The following CRYZL1 variants were observed in gnomAD, a reference collection of about 807,000 sequenced individuals.
CRYZL1 encodes crystallin zeta like 1, also known as ferry endosomal RAB5 effector complex subunit 4.
CRYZL1 carries 34 observed loss-of-function variants against 50.6 expected under a neutral mutation model. That is an observed-to-expected ratio of 0.67 (90% CI 0.51 to 0.89). CRYZL1 has a LOEUF of 0.89. CRYZL1 is among the 40% of genes least tolerant of loss of function. The pLI, the probability that CRYZL1 is intolerant of heterozygous loss-of-function variation, is 0.00. For synonymous variants in CRYZL1, 125 were observed against 134.3 expected, an observed-to-expected ratio of 0.93 and a Z score of 0.48; for missense variants, 354 against 402.3, an observed-to-expected ratio of 0.88 and a Z score of 1.03.
At chr21:33,593,674 C>T (rs538111008) in intron 11 of CRYZL1, among the ~76,000 whole-genome samples, 1 of 152,188 alleles carries the variant, frequency 6.6e-6, no homozygotes, top group African/African-American at 2.4e-5. Context: ...TAGTTTCCAA[C>T]ATGTAAGATT....
chr21:33,597,420 T>TA lies in CRYZL1; in HGVS notation c.677-20dup, dbSNP rs771253959. 4.6e-6 allele frequency: 7 copies of TA among 1,515,948 alleles called. No homozygotes were observed. The highest frequency in any genetic ancestry group is 2.3e-5 in the South Asian group (2 of 85,810). 93.9% of individuals were successfully genotyped at this position (1,515,948 alleles called of 1,614,324 possible). On this transcript the variant is annotated intron_variant, in intron 9 of 12. Coordinates refer to ENST00000381554, the MANE Select transcript of CRYZL1 (RefSeq NM_145858.3). ...AATCTCACTTGCAAGGGAATAGTTTTAAAAAAAGAGAGAGAGAAGAAATAT... is the reference window on the plus strand; with the variant it reads ...AATCTCACTTGCAAGGGAATAGTTTTAAAAAAAAGAGAGAGAGAAGAAATAT...
At position 33,589,929 on chromosome 21, in the gene CRYZL1, G is replaced by A. The variant is rs777332315; in HGVS notation, c.951-8C>T. 2.0e-6 allele frequency: 3 copies of A among 1,535,012 alleles called. No homozygotes were observed. The highest frequency in any genetic ancestry group is 2.7e-6 in the Non-Finnish European group (3 of 1,119,078). ...GGTTCATCCAACTGAGGTCTGAGAA[G>A]GAATGAAATTAGAAATGTCAGGTCT... is the stretch of plus-strand genomic sequence containing the variant. On this transcript the variant is annotated splice_polypyrimidine_tract_variant and splice_region_variant and intron_variant, in intron 12 of 12. Transcript: ENST00000381554.
Position 33,603,443 on chromosome 21 carries a change from G to A in CRYZL1, c.426C>T (p.Leu142=), listed in dbSNP as rs374956495. The A allele has an allele frequency of 1.9e-6, 3 of 1,614,140 alleles. No individual in the cohort carries two copies. Among genetic ancestry groups the A allele is most frequent in the Non-Finnish European group, 1.7e-6 (2 of 1,180,004 alleles). The stretch of plus-strand genomic sequence containing the variant: ...TTATCAGCACTGATTTTCCAGGAGA[G>A]AGATGAGAAAGATAATGCAGAGCTG... ...AYTALHYLSH[L]SPGKSVLIMD... The change falls in exon 7 of 13, where the codon CTC becomes CTT. Residue 142 remains leucine, a synonymous_variant. Coordinates refer to ENST00000381554, the MANE Select transcript of CRYZL1 (RefSeq NM_145858.3).
At chr21:33,595,220 A>G (rs1601325220) in intron 11 of CRYZL1, 1 of 1,066,252 alleles carries the variant, frequency 9.4e-7, no homozygotes, top group East Asian at 6.3e-5. Context: ...TTTGTTTCAA[A>G]AAGTCAAACC....
chr21:33,599,605 A>C (rs989354107), intron 8 of CRYZL1, among the ~76,000 whole-genome samples: 2 of 151,024 alleles, frequency 1.3e-5, no homozygotes, highest in Non-Finnish European at 1.5e-5. Context: ...GTACATATAT[A>C]ATACGACATG....
intron 1 of CRYZL1, among the ~76,000 whole-genome samples, chr21:33,631,906 G>A (rs549710405): frequency 2.2e-4 from 33 of 152,134 alleles, no homozygotes; most frequent in African/African-American, 7.0e-4. Flanking sequence ...TTTAATTACC[G>A]TTTATGAAAG....
intron 1 of CRYZL1, among the ~76,000 whole-genome samples, chr21:33,635,787 C>T (rs949294448): frequency 2.6e-5 from 4 of 151,954 alleles, no homozygotes; most frequent in African/African-American, 9.7e-5. Flanking sequence ...TACAGACCAT[C>T]CTGGCCAAGA....
In CRYZL1 at chr21:33,597,303, C is replaced by A. The variant is rs111332667; in HGVS notation, c.775G>T (p.Val259Leu). Residue 259 changes from valine to leucine, a missense_variant, in exon 10 of 13, where the codon GTA (valine) becomes TTA (leucine). Transcript: ENST00000381554. ...ACCTGAAGGTTTTCTTCTGTTGTTA[C>A]CCAGTGGCCTCCAACACCAAGAAGT... ...ITLLGVGGHW[V>L]TTEENLQLDP... 9,104 of 1,613,112 alleles carry A rather than the reference C, an allele frequency of 5.6e-3. 38 individuals carry two copies. The highest frequency in any genetic ancestry group is 7.0e-3 in the Non-Finnish European group (8,223 of 1,179,222).
chr21:33,626,025 C>G (rs2087058556), intron 2 of CRYZL1, among the ~76,000 whole-genome samples: 3 of 151,774 alleles, frequency 2.0e-5, no homozygotes, highest in Admixed American at 2.0e-4. Context: ...GCAATCTCAG[C>G]TCACTGCAAC....
rs1456721375 is a variant in CRYZL1 at position 33,624,720 on chromosome 21, T to G, written c.107A>C (p.Gln36Pro). 4 of 1,597,052 alleles carry G rather than the reference T, an allele frequency of 2.5e-6. No individual in the cohort carries two copies. The highest frequency in any genetic ancestry group is 1.8e-5 in the Admixed American group (1 of 54,222). Reference protein sequence around the residue: ...PVTEDNFVKLQVKACALSQIN... With the variant: ...PVTEDNFVKLPVKACALSQIN... Reference sequence around the variant, plus strand: ...CTGGCTCAGAGCACAAGCTTTAACTTGAAGTTTCACAAAGTTATCCTCTGT... The same window carrying G: ...CTGGCTCAGAGCACAAGCTTTAACTGGAAGTTTCACAAAGTTATCCTCTGT... The change falls in exon 3 of 13, where the codon CAA (glutamine) becomes CCA (proline). Residue 36 changes from glutamine to proline, a missense_variant. Gln to Pro is a moderately conservative substitution (Grantham distance 76, BLOSUM62 -1). Coordinates refer to ENST00000381554, the MANE Select transcript of CRYZL1 (RefSeq NM_145858.3).
At chr21:33,595,523 C>G (rs2086684962) in intron 11 of CRYZL1, 1 of 1,283,514 alleles carries the variant, frequency 7.8e-7, no homozygotes, top group African/African-American at 1.5e-5. Flanking sequence ...GCTTCTGTTT[C>G]TTCACCTGTG....
rs2086623906 is a variant in CRYZL1 at position 33,589,846 on chromosome 21, TCTTC to T, written c.1022_1025del (p.Gly341GlufsTer19). The T allele has an allele frequency of 6.2e-7, 1 of 1,612,518 alleles. No individual in the cohort carries two copies. The highest frequency in any genetic ancestry group is 8.5e-7 in the Non-Finnish European group (1 of 1,178,692). Reference sequence around the variant, plus strand: ...ATTAAAATTGAACAACTTGCTTTTTTCTTCCTTGATTTTTCTGAACAGCTTCCAT... The same window carrying T: ...ATTAAAATTGAACAACTTGCTTTTTTCTTGATTTTTCTGAACAGCTTCCAT... On this transcript the variant is annotated frameshift_variant, in exon 13 of 13. Transcript: ENST00000381554. LOFTEE classifies it high-confidence loss of function.
chr21:33,601,838 C>T (rs2086759607), intron 8 of CRYZL1, among the ~76,000 whole-genome samples: 1 of 151,600 alleles, frequency 6.6e-6, no homozygotes, highest in Non-Finnish European at 1.5e-5. Context: ...GATCACCTGA[C>T]CCTGGGGAGG....
intron 1 of CRYZL1, chr21:33,641,165 A>G: frequency 3.9e-6 from 6 of 1,550,326 alleles, no homozygotes; most frequent in Non-Finnish European, 5.2e-6. Flanking sequence ...GACCTATCCC[A>G]AGGCGATGCT....
intron 6 of CRYZL1, among the ~76,000 whole-genome samples, chr21:33,605,778 C>T (rs191706879): frequency 2.0e-5 from 3 of 151,958 alleles, no homozygotes. Context: ...CCTACCTTGG[C>T]CTCCCAAAGT....
At chr21:33,613,183 TTA>T (rs1337815318) in intron 6 of CRYZL1, among the ~76,000 whole-genome samples, 5 of 152,288 alleles carry the variant, frequency 3.3e-5, no homozygotes, top group Middle Eastern at 3.4e-3. Flanking sequence ...TGTCTAAATT[TTA>T]TATGTTTTTT....
intron 8 of CRYZL1, among the ~76,000 whole-genome samples, chr21:33,599,931 G>C (rs1253462905): frequency 6.6e-6 from 1 of 151,944 alleles, no homozygotes; most frequent in Admixed American, 6.6e-5. Flanking sequence ...ACCACCCCCA[G>C]CTAGATTAAG....
rs912642505 is a variant in CRYZL1 at position 33,597,421 on chromosome 21, A to C, written c.677-20T>G. ...ATCTCACTTGCAAGGGAATAGTTTT[A>C]AAAAAAGAGAGAGAGAAGAAATATA... On this transcript the variant is annotated intron_variant, in intron 9 of 12. Coordinates refer to ENST00000381554, the MANE Select transcript of CRYZL1 (RefSeq NM_145858.3). 6.6e-7 allele frequency: 1 copy of C among 1,504,816 alleles called. No individual in the cohort carries two copies. 93.2% of individuals were successfully genotyped at this position (1,504,816 alleles called of 1,614,324 possible).
intron 12 of CRYZL1, 26 bp downstream of exon 12, chr21:33,591,136 A>G: frequency 6.4e-7 from 1 of 1,567,026 alleles, no homozygotes. Context: ...ACAAACAAGA[A>G]CAATGATTTG....
Sources: gnomAD v4.1 joint callset for allele counts (sites outside exome capture counted in the v4.1 genomes callset) on GRCh38, gnomAD v4.1.1 for gene constraint, MANE v1.5 for transcripts, NCBI Gene and HGNC (gene_info 2026-07-23, HGNC 2026-07-21) for gene names.